NUP62: variants seen among roughly 807,000 people sequenced by gnomAD.
NUP62 encodes nuclear pore glycoprotein p62.
For synonymous variants in NUP62, 305 were observed against 303.4 expected, an observed-to-expected ratio of 1.01 and a Z score of -0.05; for missense variants, 647 against 689.4, an observed-to-expected ratio of 0.94 and a Z score of 0.69.
intron 2 of NUP62, among the ~76,000 whole-genome samples, chr19:49,914,541 C>T (rs1206852839): frequency 2.6e-5 from 4 of 152,036 alleles, no homozygotes; most frequent in East Asian, 1.9e-4. Flanking sequence ...ACAACACGGC[C>T]GCCTTCACAG....
intron 2 of NUP62, among the ~76,000 whole-genome samples, chr19:49,926,208 CAAAAAAAAAAAA>C (rs33981121): frequency 2.4e-5 from 1 of 42,516 alleles, no homozygotes; most frequent in African/African-American, 1.0e-4. Flanking sequence ...GACTCTGTCT[CAAAAAAAAAAAA>C]AAAAAAAAAA....
intron 1 of NUP62, chr19:49,928,396 A>T (rs1018390587): frequency 2.6e-5 from 4 of 152,112 alleles, no homozygotes; most frequent in African/African-American, 9.7e-5. Context: ...GGGCGCCTGT[A>T]GTCCCAGCTA....
intron 2 of NUP62, among the ~76,000 whole-genome samples, chr19:49,926,091 C>T (rs1287894046): frequency 6.6e-6 from 1 of 151,730 alleles, no homozygotes; most frequent in Non-Finnish European, 1.5e-5. Context: ...TGTCTGTAAT[C>T]CCAGCTACTC....
chr19:49,926,110 G>A (rs939771622), intron 2 of NUP62, among the ~76,000 whole-genome samples: 5 of 148,490 alleles, frequency 3.4e-5, no homozygotes, highest in African/African-American at 1.2e-4. Context: ...TCTGGAGCCT[G>A]AAGCAGGAGA....
At chr19:49,913,347 G>A (rs2075529038) in intron 2 of NUP62, among the ~76,000 whole-genome samples, 1 of 152,224 alleles carries the variant, frequency 6.6e-6, no homozygotes, top group Admixed American at 6.5e-5. Context: ...TTCTTGAAAT[G>A]TGCTGCCAGA....
chr19:49,910,486 G>A (rs908446464), intron 2 of NUP62, among the ~76,000 whole-genome samples: 1 of 152,176 alleles, frequency 6.6e-6, no homozygotes, highest in Non-Finnish European at 1.5e-5. Flanking sequence ...AAACCCATGT[G>A]CTCAGAGCAC....
At chr19:49,922,322 T>C (rs1172519856) in intron 2 of NUP62, among the ~76,000 whole-genome samples, 2 of 152,074 alleles carry the variant, frequency 1.3e-5, no homozygotes, top group African/African-American at 4.8e-5. Flanking sequence ...GCTGGGGGCA[T>C]GGGGATTAGG....
intron 1 of NUP62, chr19:49,928,409 C>G (rs901390179): frequency 2.0e-5 from 3 of 151,362 alleles, no homozygotes; most frequent in African/African-American, 2.4e-5. Flanking sequence ...CCCAGCTACT[C>G]GGGAGGCTGA....
chr19:49,908,863 G>A lies in NUP62; in HGVS notation c.945C>T (p.Gly315=). Residue 315 remains glycine (G), a synonymous_variant, in exon 3 of 3, where the codon GGC becomes GGT. Transcript: ENST00000352066. ...CAGCCGCCCCTGCAGCTGCGCCAGG[G>A]CCAGGTGGAGCGGTCACGGCAGCTG... is the stretch of plus-strand genomic sequence containing the variant. ...NTAAAVTAPP[G]PGAAAGAAAS... The A allele has an allele frequency of 1.2e-6, 2 of 1,611,516 alleles. No individual in the cohort carries two copies. The highest frequency in any genetic ancestry group is 2.7e-5 in the African/African-American group (2 of 75,062).
Position 49,925,035 on chromosome 19 carries a change from G to A in NUP62, c.-78+2659C>T, listed in dbSNP as rs2075852872. 2.0e-5 allele frequency among the ~76,000 whole-genome samples: 3 copies of A among 152,310 alleles called. No individual in the cohort carries two copies. In the South Asian group the frequency reaches 6.2e-4, roughly 32 times the overall value. ...CCAGCACTTTGGGAGGCTGAGGCGG[G>A]TGGATCGCCTGAGTTCGGGAGTTCG... On this transcript the variant is annotated intron_variant, in intron 2 of 2. Coordinates refer to ENST00000352066, the MANE Select transcript of NUP62 (RefSeq NM_016553.5).
At chr19:49,913,402 G>C (rs2075531315) in intron 2 of NUP62, among the ~76,000 whole-genome samples, 1 of 152,200 alleles carries the variant, frequency 6.6e-6, no homozygotes, top group Non-Finnish European at 1.5e-5. Flanking sequence ...ACTCTAGAGA[G>C]TCCATGTTGA....
chr19:49,925,878 A>G (rs958941414), intron 2 of NUP62, among the ~76,000 whole-genome samples: 2 of 152,194 alleles, frequency 1.3e-5, no homozygotes, highest in Admixed American at 6.5e-5. Flanking sequence ...TTTTCTGTTG[A>G]GTCAATCTAC....
rs899239537 is a variant in NUP62 at position 49,909,473 on chromosome 19, C to G, written c.335G>C (p.Ser112Thr). 1.2e-6 allele frequency: 2 copies of G among 1,614,138 alleles called. No homozygotes were observed. The highest frequency in any genetic ancestry group is 8.5e-7 in the Non-Finnish European group (1 of 1,180,032). The change falls in exon 3 of 3, where the codon AGC becomes ACC. Residue 112 changes from serine to threonine, a missense_variant. Coordinates refer to ENST00000352066, the MANE Select transcript of NUP62 (RefSeq NM_016553.5). ...GTTGCTGCTGCCCAGCCCAAAGCCGCTGGGGTTTGCCATGGCTGGGGTGGC... is the reference window on the plus strand; with the variant it reads ...GTTGCTGCTGCCCAGCCCAAAGCCGGTGGGGTTTGCCATGGCTGGGGTGGC... ...TAATPAMANP[S>T]GFGLGSSNLT...
Position 49,909,632 on chromosome 19 carries a change from A to G in NUP62, c.176T>C (p.Leu59Pro). ...QPATSTPSTG[L>P]FSLATQTPAT... is the part of the protein sequence containing the mutation. The stretch of plus-strand genomic sequence containing the variant: ...CGGAGTCTGGGTGGCAAGTGAGAAC[A>G]GGCCGGTGGAAGGGGTACTTGTGGC... The change falls in exon 3 of 3, where the codon CTG becomes CCG. Residue 59 changes from leucine (L) to proline (P), a missense_variant. Transcript: ENST00000352066. 1 of 1,614,186 alleles carries G rather than the reference A, an allele frequency of 6.2e-7. No individual in the cohort carries two copies. The highest frequency in any genetic ancestry group is 8.5e-7 in the Non-Finnish European group (1 of 1,180,038).
In NUP62 at chr19:49,908,209, G is replaced by A. The variant is rs1401400885; in HGVS notation, c.*30C>T. 2 of 1,609,366 alleles carry A rather than the reference G, an allele frequency of 1.2e-6. No individual in the cohort carries two copies. The highest frequency in any genetic ancestry group is 2.7e-5 in the African/African-American group (2 of 74,898). On this transcript the variant is annotated 3_prime_UTR_variant, in exon 3 of 3. Coordinates refer to ENST00000352066, the MANE Select transcript of NUP62 (RefSeq NM_016553.5). ...GCGCATTCCCCTCATGAACTCCCTA[G>A]GGACCTGCGGGCCCCAGGGCTGCTG...
intron 2 of NUP62, among the ~76,000 whole-genome samples, chr19:49,919,895 A>G (rs1365253206): frequency 6.6e-6 from 1 of 152,118 alleles, no homozygotes; most frequent in Non-Finnish European, 1.5e-5. Context: ...TCTTGTATTG[A>G]AAGTTTTTTC....
intron 2 of NUP62, among the ~76,000 whole-genome samples, chr19:49,920,737 C>T (rs769938071): frequency 6.6e-6 from 1 of 152,186 alleles, no homozygotes; most frequent in African/African-American, 2.4e-5. Flanking sequence ...AGAGCTGAAA[C>T]GCTCTGGTTG....
rs780854515 is a variant in NUP62 at position 49,909,771 on chromosome 19, TAGG to T, written c.34_36del (p.Pro12del). 2.5e-6 allele frequency: 4 copies of T among 1,614,094 alleles called. No homozygotes were observed. Among genetic ancestry groups the T allele is most frequent in the Non-Finnish European group, 3.4e-6 (4 of 1,180,024 alleles). On this transcript the variant is annotated inframe_deletion, in exon 3 of 3. Transcript: ENST00000352066. The stretch of plus-strand genomic sequence containing the variant: ...GCAGTGCCAAACGTGAACCCGCCTG[TAGG>T]GGCCCCAGTGCCTCCAAAATTAAAC...
At chr19:49,918,906 G>GT (rs1157933637) in intron 2 of NUP62, among the ~76,000 whole-genome samples, 1 of 145,066 alleles carries the variant, frequency 6.9e-6, no homozygotes, top group African/African-American at 2.6e-5. Flanking sequence ...GGGGGGGGGG[G>GT]GGCGGGGTGT....
Sources: allele counts gnomAD v4.1 joint callset (sites outside exome capture counted in the v4.1 genomes callset), GRCh38; gene constraint gnomAD v4.1.1; transcripts MANE v1.5; gene names NCBI Gene and HGNC (gene_info 2026-07-23, HGNC 2026-07-21).